The following RBMS3 variants were observed in gnomAD, a reference collection of about 807,000 sequenced individuals.
The protein encoded by RBMS3 is RNA-binding motif, single-stranded-interacting protein 3.
RBMS3 carries 27 observed loss-of-function variants against 66.8 expected under a neutral mutation model. The ratio of observed to expected loss-of-function variants is 0.40; its 90% CI spans 0.30 to 0.56. The LOEUF (loss-of-function observed/expected upper bound fraction) is 0.56. Ranked by LOEUF, RBMS3 falls within the 20% of genes least tolerant of loss-of-function variation. The pLI, the probability that RBMS3 is intolerant of heterozygous loss-of-function variation, is 0.40. For missense variants in RBMS3, 513 were observed against 549.5 expected (o/e 0.93, Z 0.66); for synonymous variants, 188 against 183.0 (o/e 1.03, Z -0.22).
intron 6 of RBMS3, among the ~76,000 whole-genome samples, chr3:29,819,480 T>A (rs2058015894): frequency 6.6e-6 from 1 of 152,250 alleles, no homozygotes; most frequent in Admixed American, 6.5e-5. Context: ...AGGGTATTTT[T>A]AAATTTTTTA....
chr3:29,383,952 G>A (rs1012889821), intron 1 of RBMS3, among the ~76,000 whole-genome samples: 9 of 152,156 alleles, frequency 5.9e-5, no homozygotes, highest in Non-Finnish European at 8.8e-5. Flanking sequence ...TTAACTATAC[G>A]ATAAGTATTT....
At chr3:29,736,658 C>G (rs1196729518) in intron 4 of RBMS3, among the ~76,000 whole-genome samples, 1 of 152,206 alleles carries the variant, frequency 6.6e-6, no homozygotes, top group Non-Finnish European at 1.5e-5. Flanking sequence ...AACTCCAAAG[C>G]TCTGGGGCAC....
intron 4 of RBMS3, among the ~76,000 whole-genome samples, chr3:29,687,384 C>A: frequency 6.6e-6 from 1 of 152,310 alleles, no homozygotes; most frequent in South Asian, 2.1e-4. Context: ...AGTGCATAGG[C>A]AACATGTATT....
intron 6 of RBMS3, among the ~76,000 whole-genome samples, chr3:29,868,573 C>T (rs189688118): frequency 2.0e-5 from 3 of 152,232 alleles, no homozygotes; most frequent in Admixed American, 6.5e-5. Context: ...CTGGAAGGGT[C>T]GGTGCTTGCC....
chr3:29,763,133 T>C, intron 6 of RBMS3, 144 bp downstream of exon 6: 1 of 552,768 alleles, frequency 1.8e-6, no homozygotes, highest in South Asian at 2.8e-5. Flanking sequence ...TAATACTGTG[T>C]AGCAACTCAT....
At chr3:29,716,247 C>T (rs914690590) in intron 4 of RBMS3, among the ~76,000 whole-genome samples, 5 of 152,098 alleles carry the variant, frequency 3.3e-5, no homozygotes, top group Admixed American at 2.6e-4. Context: ...TATACTTGCA[C>T]AGTTACCACA....
chr3:29,807,232 ATGTCAC>A (rs2057582692), intron 6 of RBMS3, among the ~76,000 whole-genome samples: 1 of 151,956 alleles, frequency 6.6e-6, no homozygotes. Context: ...CATGACAAAA[ATGTCAC>A]TGTCTCACTA....
chr3:29,804,915 G>A (rs540648266), intron 6 of RBMS3, among the ~76,000 whole-genome samples: 4 of 123,902 alleles, frequency 3.2e-5, no homozygotes, highest in South Asian at 2.4e-4. Context: ...AAGAATCTGC[G>A]TGTACGTGTG....
At chr3:29,664,285 C>T (rs964825154) in intron 4 of RBMS3, among the ~76,000 whole-genome samples, 1 of 152,004 alleles carries the variant, frequency 6.6e-6, no homozygotes, top group Non-Finnish European at 1.5e-5. Flanking sequence ...GTCAAGAGAT[C>T]GAGACCATCC....
chr3:29,909,940 A>G (rs1458387662), intron 10 of RBMS3, among the ~76,000 whole-genome samples: 1 of 152,126 alleles, frequency 6.6e-6, no homozygotes, highest in Non-Finnish European at 1.5e-5. Context: ...GACAGCTGCT[A>G]AGAAGAAAAA....
intron 4 of RBMS3, among the ~76,000 whole-genome samples, chr3:29,662,481 T>C (rs1027033189): frequency 2.0e-5 from 3 of 152,194 alleles, no homozygotes; most frequent in African/African-American, 7.2e-5. Context: ...GTGTTACAAA[T>C]ATTGACAAGG....
intron 4 of RBMS3, among the ~76,000 whole-genome samples, chr3:29,660,586 G>A (rs528258840): frequency 3.9e-5 from 6 of 151,908 alleles, no homozygotes; most frequent in East Asian, 1.9e-4. Context: ...TAGCTTTTTT[G>A]TTGCCTCCCC....
intron 7 of RBMS3, among the ~76,000 whole-genome samples, chr3:29,883,038 T>A (rs1363697438): frequency 6.6e-6 from 1 of 152,026 alleles, no homozygotes; most frequent in African/African-American, 2.4e-5. Context: ...TTGATCTAAT[T>A]CAGTTTTAAA....
intron 6 of RBMS3, among the ~76,000 whole-genome samples, chr3:29,768,844 TC>T (rs1399159817): frequency 5.3e-5 from 8 of 152,054 alleles, no homozygotes; most frequent in African/African-American, 1.7e-4. Flanking sequence ...TTTTCCCCCT[TC>T]CCTGTCTTTT....
intron 6 of RBMS3, among the ~76,000 whole-genome samples, chr3:29,764,098 G>T (rs1576734625): frequency 1.4e-5 from 2 of 140,382 alleles, no homozygotes; most frequent in East Asian, 2.0e-4. Flanking sequence ...TTTGTGGAGG[G>T]TTTTGTAATG....
At chr3:29,960,458 G>A (rs1385147349) in intron 12 of RBMS3, among the ~76,000 whole-genome samples, 1 of 152,140 alleles carries the variant, frequency 6.6e-6, no homozygotes, top group African/African-American at 2.4e-5. Flanking sequence ...GCAAGCTGTT[G>A]GTGGATCTAC....
At chr3:29,735,354 G>T (rs759884629) in intron 4 of RBMS3, among the ~76,000 whole-genome samples, 19 of 152,112 alleles carry the variant, frequency 1.2e-4, no homozygotes, top group Non-Finnish European at 4.4e-5. Flanking sequence ...ACAGATCTGG[G>T]CTCCCATTAA....
intron 5 of RBMS3, among the ~76,000 whole-genome samples, chr3:29,761,953 T>C (rs2055706717): frequency 6.6e-6 from 1 of 152,154 alleles, no homozygotes; most frequent in Non-Finnish European, 1.5e-5. Context: ...TTTATCAGAA[T>C]TAATCCTTAA....
intron 12 of RBMS3, among the ~76,000 whole-genome samples, chr3:29,948,971 A>T (rs940277073): frequency 6.6e-6 from 1 of 151,734 alleles, no homozygotes; most frequent in African/African-American, 2.4e-5. Flanking sequence ...TGGTCTGCAG[A>T]GCAGGACTCT....
Sources: gnomAD v4.1 joint callset for allele counts (sites outside exome capture counted in the v4.1 genomes callset) on GRCh38, gnomAD v4.1.1 for gene constraint, MANE v1.5 for transcripts, NCBI Gene and HGNC (gene_info 2026-07-23, HGNC 2026-07-21) for gene names.